DGKG: variants seen among roughly 807,000 people sequenced by gnomAD.
The protein encoded by DGKG is DAG kinase gamma.
DGKG carries 78 observed loss-of-function variants against 105.3 expected under a neutral mutation model. The ratio of observed to expected loss-of-function variants is 0.74; its 90% confidence interval spans 0.62 to 0.89. The LOEUF is 0.89. DGKG is among the 40% of genes least tolerant of loss of function. The pLI is 0.00. For synonymous variants in DGKG, 346 were observed against 367.1 expected (o/e 0.94, Z 0.66); for missense variants, 958 against 1,020.1 (o/e 0.94, Z 0.83).
intron 20 of DGKG, among the ~76,000 whole-genome samples, chr3:186,223,845 G>C (rs1374836920): frequency 6.6e-6 from 1 of 152,118 alleles, no homozygotes; most frequent in Admixed American, 6.6e-5. Context: ...ACCTGGCCTG[G>C]TGGTGCAGCT....
In DGKG at chr3:186,164,972, C is replaced by T. The variant is rs1716468429; in HGVS notation, c.2142G>A (p.Met714Ile). 6.2e-7 allele frequency: 1 copy of T among 1,613,328 alleles called. No homozygotes were observed. Among genetic ancestry groups the T allele is most frequent in the East Asian group, 2.2e-5 (1 of 44,836 alleles). The change falls in exon 23 of 25, where the codon ATG becomes ATA. Residue 714 changes from methionine to isoleucine, a missense_variant. Physicochemically the swap from Met to Ile is conservative, Grantham distance 10. Around this residue, in one of 2 missense-constraint regions of DGKG, gnomAD observed 315 missense variants for 400.6 expected, o/e 0.79. Transcript: ENST00000265022. ...GGCCGGTGTAGATCTGCCCCATCTCCATGGCTCCTTCTAGCCCCACCACTT... is the reference window on the plus strand; with the variant it reads ...GGCCGGTGTAGATCTGCCCCATCTCTATGGCTCCTTCTAGCCCCACCACTT... ...LLEVVGLEGAMEMGQIYTGLK... is the reference protein window; with the variant it reads ...LLEVVGLEGAIEMGQIYTGLK...
At chr3:186,310,288 A>AAAAAAAAAAAAAAAAAAAAAAT (rs1724472908) in intron 2 of DGKG, among the ~76,000 whole-genome samples, 1 of 148,090 alleles carries the variant, frequency 6.8e-6, no homozygotes, top group African/African-American at 2.5e-5. Context: ...AAAAAAAAAA[A>AAAAAAAAAAAAAAAAAAAAAAT]ACCACACACA....
intron 16 of DGKG, among the ~76,000 whole-genome samples, chr3:186,259,862 C>G (rs990703889): frequency 3.3e-5 from 5 of 152,198 alleles, no homozygotes; most frequent in African/African-American, 1.2e-4. Context: ...CTCTTTACAA[C>G]CCCATGCTAA....
intron 1 of DGKG, among the ~76,000 whole-genome samples, chr3:186,340,214 A>G (rs745662172): frequency 6.6e-6 from 1 of 152,194 alleles, no homozygotes. Flanking sequence ...CAGCTGTAGA[A>G]GACAAAACAT....
intron 20 of DGKG, among the ~76,000 whole-genome samples, chr3:186,234,767 C>A (rs184580415): frequency 7.4e-4 from 113 of 152,250 alleles, no homozygotes; most frequent in African/African-American, 2.7e-3. Flanking sequence ...TCTGTTCCCA[C>A]GCGGACTAGG....
chr3:186,193,910 G>A (rs756155967), intron 21 of DGKG, among the ~76,000 whole-genome samples: 1 of 152,254 alleles, frequency 6.6e-6, no homozygotes, highest in Non-Finnish European at 1.5e-5. Context: ...AGGCTGCGCT[G>A]GGCGGAACCA....
At chr3:186,156,919 A>G (rs1327103936) in intron 24 of DGKG, among the ~76,000 whole-genome samples, 2 of 152,006 alleles carry the variant, frequency 1.3e-5, no homozygotes, top group Non-Finnish European at 2.9e-5. Flanking sequence ...TTTTATGTTC[A>G]TAATCATACC....
At position 186,169,664 on chromosome 3, in the gene DGKG, C is replaced by T. The variant is rs189367811; in HGVS notation, c.2096-4646G>A. Among the ~76,000 whole-genome samples the T allele has an allele frequency of 1.6e-3, 237 of 152,344 alleles. 2 individuals carry two copies. The highest frequency in any genetic ancestry group is 5.5e-3 in the African/African-American group (227 of 41,568). ...TTTACATGTACTCTACATATACTTT[C>T]TCCCACTTTCACTTGTCTATCAAAA... On this transcript the variant is annotated intron_variant, in intron 22 of 24. Transcript: ENST00000265022.
At chr3:186,267,291 G>C (rs975452971) in intron 13 of DGKG, among the ~76,000 whole-genome samples, 19 of 152,256 alleles carry the variant, frequency 1.2e-4, no homozygotes, top group African/African-American at 4.6e-4. Context: ...GGTCATTTCA[G>C]GGTACTCGGG....
At position 186,147,288 on chromosome 3, in the gene DGKG, A is replaced by G. The variant is rs533680732; in HGVS notation, c.*2802T>C. ...TTGTAGCATGGCCAGAATCAGAATA[A>G]GATAAGAAATAAGGGATTAGGTTCT... On this transcript the variant is annotated 3_prime_UTR_variant, in exon 25 of 25. Coordinates refer to ENST00000265022, the MANE Select transcript of DGKG (RefSeq NM_001346.3). 6 of 985,798 alleles carry G rather than the reference A, an allele frequency of 6.1e-6. No individual in the cohort carries two copies. The highest frequency in any genetic ancestry group is 6.0e-6 in the Non-Finnish European group (5 of 829,880). The allele number at this position is 985,798 out of a possible 1,614,324, so 61.1% of individuals were successfully genotyped here.
chr3:186,300,361 G>A (rs998565795), intron 3 of DGKG, among the ~76,000 whole-genome samples: 7 of 152,036 alleles, frequency 4.6e-5, no homozygotes, highest in African/African-American at 1.7e-4. Flanking sequence ...AATCCCATTC[G>A]GATTGGATCC....
At chr3:186,223,865 G>GC (rs1719720675) in intron 20 of DGKG, among the ~76,000 whole-genome samples, 1 of 152,118 alleles carries the variant, frequency 6.6e-6, no homozygotes, top group African/African-American at 2.4e-5. Context: ...TGTGTGTCCT[G>GC]CCCCACCATG....
chr3:186,149,099 G>A lies in DGKG; in HGVS notation c.*991C>T. The stretch of plus-strand genomic sequence containing the variant: ...GGGAGTGGTGAGTGCAAAGAAGCAG[G>A]AGGGAACCGTCTCCTGGTTTCCCCA... On this transcript the variant is annotated 3_prime_UTR_variant, in exon 25 of 25. Transcript: ENST00000265022. 1.0e-6 allele frequency: 1 copy of A among 985,020 alleles called. No individual in the cohort carries two copies. Among genetic ancestry groups the A allele is most frequent in the Non-Finnish European group, 1.2e-6 (1 of 829,796 alleles). The allele number at this position is 985,020 out of a possible 1,614,324, so 61.0% of individuals were successfully genotyped here. A position where few individuals can be genotyped will look rare whatever the true frequency, so the allele number is the denominator to read the frequency against.
intron 1 of DGKG, among the ~76,000 whole-genome samples, chr3:186,351,776 C>T (rs12634640): frequency 0.17 from 26,108 of 152,162 alleles, 3,146 homozygotes; most frequent in African/African-American, 0.34. Context: ...AAAACAGGGA[C>T]AACACGCAAG....
intron 6 of DGKG, among the ~76,000 whole-genome samples, chr3:186,286,130 G>A (rs2108600813): frequency 6.6e-6 from 1 of 152,282 alleles, no homozygotes; most frequent in East Asian, 1.9e-4. Context: ...CCTCCTAGAT[G>A]TTTTAATGTC....
At chr3:186,300,116 C>T (rs771945918) in intron 3 of DGKG, among the ~76,000 whole-genome samples, 8 of 152,104 alleles carry the variant, frequency 5.3e-5, no homozygotes, top group African/African-American at 9.7e-5. Flanking sequence ...GGATTACTGG[C>T]GTGAGGCACC....
intron 8 of DGKG, 21 bp from the exon 9 acceptor site, chr3:186,279,994 T>C (rs1722756377): frequency 6.2e-7 from 1 of 1,613,112 alleles, no homozygotes; most frequent in African/African-American, 1.3e-5. Context: ...CAAAGAGCAA[T>C]CATTGTCCAT....
chr3:186,354,548 A>G (rs1174092985), intron 1 of DGKG, among the ~76,000 whole-genome samples: 2 of 152,190 alleles, frequency 1.3e-5, no homozygotes, highest in Non-Finnish European at 2.9e-5. Context: ...CTGTCTGGCC[A>G]TTGAGTTTTT....
intron 21 of DGKG, among the ~76,000 whole-genome samples, chr3:186,197,122 C>T (rs1421165559): frequency 1.3e-5 from 2 of 152,022 alleles, no homozygotes; most frequent in Non-Finnish European, 2.9e-5. Flanking sequence ...CAGGGTCCTT[C>T]CTTTCTCAGC....
Sources: gnomAD v4.1 joint callset for allele counts (sites outside exome capture counted in the v4.1 genomes callset) on GRCh38, gnomAD v4.1.1 for gene constraint, gnomAD v4.1.1 regional missense constraint, MANE v1.5 for transcripts, NCBI Gene and HGNC (gene_info 2026-07-23, HGNC 2026-07-21) for gene names.